The following ADGRE5 variants were observed in gnomAD, a reference collection of about 807,000 sequenced individuals.
ADGRE5 encodes adhesion G protein-coupled receptor E5.
In ADGRE5, 72 loss-of-function variants were observed where a neutral mutation model predicts 100.3. That is an observed-to-expected ratio of 0.72 (90% CI 0.59 to 0.87). The LOEUF (loss-of-function observed/expected upper bound fraction) is 0.87. Ranked by LOEUF, ADGRE5 falls within the 40% of genes least tolerant of loss-of-function variation. The pLI is 0.00. For missense variants in ADGRE5, 959 were observed against 1,094.7 expected, an observed-to-expected ratio of 0.88 and a Z score of 1.75; for synonymous variants, 439 against 447.8, an observed-to-expected ratio of 0.98 and a Z score of 0.25.
intron 1 of ADGRE5, among the ~76,000 whole-genome samples, chr19:14,385,918 C>T (rs920494650): frequency 1.3e-5 from 2 of 151,794 alleles, no homozygotes; most frequent in African/African-American, 4.8e-5. Context: ...AACAGGCACC[C>T]ACCACCACGC....
At chr19:14,390,755 C>T (rs1406743119) in intron 3 of ADGRE5, among the ~76,000 whole-genome samples, 169 bp from the exon 4 acceptor site, 2 of 152,176 alleles carry the variant, frequency 1.3e-5, no homozygotes, top group African/African-American at 2.4e-5. Context: ...CAAGTGTGGT[C>T]TTCAGGAATG....
In ADGRE5 at chr19:14,408,208, C is replaced by A; in HGVS notation, c.*87C>A. ...CCATCCATCCTCCCTTCGTCCACCA[C>A]TCTACTCCCTCCACCCTCCCTCCCT... On this transcript the variant is annotated 3_prime_UTR_variant, in exon 20 of 20. Transcript: ENST00000242786. 1.4e-6 allele frequency: 2 copies of A among 1,398,834 alleles called. No homozygotes were observed. The highest frequency in any genetic ancestry group is 2.0e-6 in the Non-Finnish European group (2 of 1,000,166). 86.7% of individuals were successfully genotyped at this position (1,398,834 alleles called of 1,614,324 possible).
intron 1 of ADGRE5, among the ~76,000 whole-genome samples, chr19:14,384,746 T>A (rs1220365324): frequency 1.3e-5 from 2 of 151,910 alleles, no homozygotes; most frequent in African/African-American, 4.8e-5. Flanking sequence ...CCCCTTCTGC[T>A]CTTTATGGGC....
At chr19:14,386,693 C>CA (rs1172800346) in intron 1 of ADGRE5, among the ~76,000 whole-genome samples, 1,216 of 56,322 alleles carry the variant, frequency 0.022, 25 homozygotes, top group African/African-American at 0.058. Context: ...GACTCCGTCT[C>CA]AAAAAAAAAA....
At chr19:14,392,792 A>T (rs1473178513) in intron 4 of ADGRE5, among the ~76,000 whole-genome samples, 1 of 151,684 alleles carries the variant, frequency 6.6e-6, no homozygotes, top group Admixed American at 6.6e-5. Flanking sequence ...AATCCCAGCT[A>T]CTCAAGAGGC....
chr19:14,399,752 A>C (rs575885441), intron 9 of ADGRE5, among the ~76,000 whole-genome samples: 7 of 152,082 alleles, frequency 4.6e-5, no homozygotes, highest in Non-Finnish European at 7.4e-5. Context: ...TAAAAAAAAA[A>C]AAAACAGTTT....
chr19:14,391,757 C>G (rs1975608655), intron 4 of ADGRE5, among the ~76,000 whole-genome samples: 1 of 150,936 alleles, frequency 6.6e-6, no homozygotes, highest in South Asian at 2.1e-4. Context: ...AAAATCAAAC[C>G]AAAGCTTTCT....
chr19:14,399,612 G>A (rs1222863885), intron 9 of ADGRE5, among the ~76,000 whole-genome samples: 2 of 147,008 alleles, frequency 1.4e-5, no homozygotes, highest in African/African-American at 2.5e-5. Context: ...GCGTGGTGGT[G>A]CACGCCTGTA....
chr19:14,398,657 A>T (rs1156332368), intron 9 of ADGRE5, among the ~76,000 whole-genome samples: 1 of 141,196 alleles, frequency 7.1e-6, no homozygotes, highest in Non-Finnish European at 1.5e-5. Flanking sequence ...CCTGGGCGAC[A>T]GAGCCAGACT....
chr19:14,381,607 G>T (rs1599604914), intron 1 of ADGRE5, 62 bp downstream of exon 1: 1 of 1,559,300 alleles, frequency 6.4e-7, no homozygotes, highest in Admixed American at 2.1e-5. Context: ...CCTTGGCTGC[G>T]TCTGAGAAAC....
chr19:14,398,807 T>C (rs960572825), intron 9 of ADGRE5, among the ~76,000 whole-genome samples: 1 of 150,658 alleles, frequency 6.6e-6, no homozygotes, highest in Admixed American at 6.6e-5. Context: ...TCATCTGTTT[T>C]GGGGGTTGTG....
At chr19:14,400,289 G>T (rs1657132293) in intron 9 of ADGRE5, among the ~76,000 whole-genome samples, 1 of 151,530 alleles carries the variant, frequency 6.6e-6, no homozygotes, top group African/African-American at 2.4e-5. Context: ...CAAAGTGCTG[G>T]GATTACAGGT....
intron 9 of ADGRE5, 142 bp downstream of exon 9, chr19:14,398,281 A>G (rs1346400686): frequency 4.3e-6 from 3 of 703,554 alleles, no homozygotes; most frequent in African/African-American, 1.8e-5. Flanking sequence ...CACCACATAC[A>G]GTATGTGCAC....
intron 4 of ADGRE5, among the ~76,000 whole-genome samples, chr19:14,393,958 T>A (rs1473611420): frequency 2.0e-5 from 3 of 152,146 alleles, no homozygotes; most frequent in African/African-American, 7.2e-5. Flanking sequence ...GCTCATCTCA[T>A]TGGCCCAATA....
At chr19:14,398,271 C>T (rs1001605639) in intron 9 of ADGRE5, 132 bp downstream of exon 9, 3 of 736,942 alleles carry the variant, frequency 4.1e-6, no homozygotes, top group African/African-American at 1.8e-5. Flanking sequence ...AACATACACA[C>T]ACCACATACA....
At position 14,404,365 on chromosome 19, in the gene ADGRE5, A is replaced by G; in HGVS notation, c.1450-18A>G. On this transcript the variant is annotated intron_variant, in intron 12 of 19. Transcript: ENST00000242786. ...GAGCTCCAGGCCAACCTTTCTGACC[A>G]CCCCCATCTGCCCACAGGACGTGAT... The G allele has an allele frequency of 6.3e-7, 1 of 1,599,102 alleles. No homozygotes were observed. The highest frequency in any genetic ancestry group is 8.5e-7 in the Non-Finnish European group (1 of 1,174,540).
At chr19:14,388,366 C>T in intron 1 of ADGRE5, 84 bp from the exon 2 acceptor site, 2 of 1,511,752 alleles carry the variant, frequency 1.3e-6, no homozygotes, top group Non-Finnish European at 1.8e-6. Flanking sequence ...GGGTCAGCAT[C>T]CTCCTCCCAC....
At chr19:14,389,530 C>T (rs377630568) in intron 3 of ADGRE5, among the ~76,000 whole-genome samples, 32 of 149,806 alleles carry the variant, frequency 2.1e-4, no homozygotes, top group Admixed American at 6.0e-4. Flanking sequence ...GTTGGGAATT[C>T]GAGACTAGCC....
intron 3 of ADGRE5, 129 bp from the exon 4 acceptor site, chr19:14,390,795 A>G (rs1975573926): frequency 1.9e-6 from 2 of 1,061,644 alleles, no homozygotes; most frequent in South Asian, 1.5e-5. Context: ...TAGCCTGTGC[A>G]GTGCAACTTA....
Sources: allele counts gnomAD v4.1 joint callset (sites outside exome capture counted in the v4.1 genomes callset), GRCh38; gene constraint gnomAD v4.1.1; transcripts MANE v1.5; gene names NCBI Gene and HGNC (gene_info 2026-07-23, HGNC 2026-07-21).